Variants in MATN2 observed in about 807,000 individuals in gnomAD.
The protein encoded by MATN2 is matrilin-2.
In MATN2, 69 loss-of-function variants were observed where a neutral mutation model predicts 103.2. That is an observed-to-expected ratio of 0.67 (90% CI 0.55 to 0.82). MATN2 has a LOEUF of 0.82. Among genes scored for constraint, MATN2 ranks in the 40% least tolerant of loss-of-function variants. MATN2 has a pLI of 0.00. For missense variants in MATN2, 1,023 were observed against 1,211.5 expected, an observed-to-expected ratio of 0.84 and a Z score of 2.31; for synonymous variants, 429 against 450.2, an observed-to-expected ratio of 0.95 and a Z score of 0.60.
At chr8:97,979,086 A>C in intron 6 of MATN2, 78 bp downstream of exon 6, 3 of 1,459,756 alleles carry the variant, frequency 2.1e-6, no homozygotes, top group Middle Eastern at 1.8e-4. Context: ...GAACTCTCTC[A>C]AGTATAGATT....
intron 1 of MATN2, among the ~76,000 whole-genome samples, chr8:97,869,839 A>T (rs1817833787): frequency 6.6e-6 from 1 of 152,166 alleles, no homozygotes; most frequent in African/African-American, 2.4e-5. Context: ...AAACCCCAGA[A>T]CAATTTGGAG....
intron 7 of MATN2, among the ~76,000 whole-genome samples, chr8:97,997,570 C>T (rs1218717735): frequency 6.6e-6 from 1 of 152,196 alleles, no homozygotes; most frequent in Non-Finnish European, 1.5e-5. Flanking sequence ...TCTGACCTCA[C>T]AGAGCTTTAG....
At chr8:97,871,546 CT>C in intron 1 of MATN2, among the ~76,000 whole-genome samples, 1 of 152,350 alleles carries the variant, frequency 6.6e-6, no homozygotes, top group South Asian at 2.1e-4. Flanking sequence ...GATTCCCCGT[CT>C]TCTAGGGAAG....
intron 10 of MATN2, 32 bp from the exon 11 acceptor site, chr8:98,016,508 T>G: frequency 6.3e-7 from 1 of 1,585,136 alleles, no homozygotes; most frequent in African/African-American, 1.3e-5. Context: ...CATTTTCTTC[T>G]TCTGTTTCTC....
intron 2 of MATN2, among the ~76,000 whole-genome samples, chr8:97,896,993 G>A: frequency 6.6e-6 from 1 of 152,054 alleles, no homozygotes; most frequent in East Asian, 1.9e-4. Flanking sequence ...GCTGGGCAGT[G>A]GGATCAGGCA....
At chr8:97,888,328 A>G (rs1818516065) in intron 2 of MATN2, 86 bp downstream of exon 2, 1 of 1,352,494 alleles carries the variant, frequency 7.4e-7, no homozygotes, top group Non-Finnish European at 9.5e-7. Context: ...ACTGTTTGAG[A>G]AGCTTTCCTT....
chr8:97,978,756 G>A, intron 5 of MATN2, 130 bp from the exon 6 acceptor site: 1 of 901,154 alleles, frequency 1.1e-6, no homozygotes, highest in Non-Finnish European at 1.7e-6. Flanking sequence ...GTTCATAACT[G>A]TTTATCCTAC....
chr8:97,917,898 A>C (rs969025728), intron 2 of MATN2, among the ~76,000 whole-genome samples: 2 of 152,134 alleles, frequency 1.3e-5, no homozygotes, highest in African/African-American at 4.8e-5. Flanking sequence ...CAGCCTGGGC[A>C]ACATGGCGAA....
chr8:97,958,713 A>C (rs552523384), intron 4 of MATN2, among the ~76,000 whole-genome samples: 3 of 152,272 alleles, frequency 2.0e-5, no homozygotes, highest in African/African-American at 7.2e-5. Flanking sequence ...CCCAGGCCTG[A>C]GAGGATCTGT....
chr8:97,876,238 G>A (rs1249884582), intron 1 of MATN2, among the ~76,000 whole-genome samples: 2 of 144,634 alleles, frequency 1.4e-5, no homozygotes, highest in African/African-American at 5.2e-5. Context: ...CACCCAGGCT[G>A]GAGTGCAATG....
chr8:97,878,396 T>TGGGGC (rs1818148442), intron 1 of MATN2, among the ~76,000 whole-genome samples: 1 of 151,660 alleles, frequency 6.6e-6, no homozygotes, highest in African/African-American at 2.4e-5. Flanking sequence ...ACCCCATCTC[T>TGGGGC]ACAAAAAATA....
chr8:97,984,817 A>C (rs1372699394), intron 6 of MATN2, among the ~76,000 whole-genome samples: 2 of 151,982 alleles, frequency 1.3e-5, no homozygotes, highest in Non-Finnish European at 2.9e-5. Flanking sequence ...CCAAAAAGAA[A>C]CCCCACCAAT....
At position 98,021,343 on chromosome 8, in the gene MATN2, T is replaced by G; in HGVS notation, c.1942+16T>G. The G allele has an allele frequency of 3.1e-6, 5 of 1,608,614 alleles. No individual in the cohort carries two copies. In the African/African-American group the frequency reaches 6.7e-5, roughly 21 times the overall value. ...CGGTGCAAGAGTAAGTGATCTGAAC[T>G]TGGCTCTCTGCTTTAATTTTGTTTT... On this transcript the variant is annotated intron_variant, in intron 13 of 18. Transcript: ENST00000254898.
chr8:98,035,792 T>A lies in MATN2; in HGVS notation c.*80T>A, dbSNP rs1327631298. On this transcript the variant is annotated 3_prime_UTR_variant, in exon 19 of 19. Transcript: ENST00000254898. ...CAGTGCAGAGCCCCAAAGCTCAGGCTATTGTTAAATCAATAATGTTGTGAA... is the reference window on the plus strand; with the variant it reads ...CAGTGCAGAGCCCCAAAGCTCAGGCAATTGTTAAATCAATAATGTTGTGAA... 6.1e-6 allele frequency: 5 copies of A among 818,958 alleles called. No homozygotes were observed. In the Admixed American group the frequency reaches 1.4e-4, roughly 23 times the overall value. The allele number at this position is 818,958 out of a possible 1,614,324, so 50.7% of individuals were successfully genotyped here.
chr8:97,997,136 A>G (rs1354583807), intron 7 of MATN2, among the ~76,000 whole-genome samples: 2 of 152,238 alleles, frequency 1.3e-5, no homozygotes, highest in Non-Finnish European at 2.9e-5. Context: ...CTGCCCAGGT[A>G]GAGCCCTAGG....
rs113752790 is a variant in MATN2, at chr8:98,024,026, A to G, written c.1942+2699A>G. 4.4e-3 allele frequency among the ~76,000 whole-genome samples: 662 copies of G among 152,174 alleles called. 2 individuals are homozygous for G. Among genetic ancestry groups the G allele is most frequent in the African/African-American group, 0.014 (576 of 41,506 alleles). The stretch of plus-strand genomic sequence containing the variant: ...GGACACAGGGAGGGGAACAACACAC[A>G]CCGGGGCCTGTTGGGGGTAGTCGGG... On this transcript the variant is annotated intron_variant, in intron 13 of 18. Coordinates refer to ENST00000254898, the MANE Select transcript of MATN2 (RefSeq NM_002380.5).
In MATN2 at chr8:97,931,734, G is replaced by T. The variant is rs564355415; in HGVS notation, c.712+212G>T. Among the ~76,000 whole-genome samples the T allele has an allele frequency of 6.6e-6, 1 of 152,298 alleles. No homozygotes were observed. Among genetic ancestry groups the T allele is most frequent in the South Asian group, 2.1e-4 (1 of 4,822 alleles). On this transcript the variant is annotated intron_variant, in intron 3 of 18. Coordinates refer to ENST00000254898, the MANE Select transcript of MATN2 (RefSeq NM_002380.5). This position sits in a 1 kb window ranked among gnomAD's most constrained non-coding sequence, Gnocchi z 4.1. ...ATTTATCTTTTAGAGACAGGGTCATGCTCTGTCACCCAGGCTGTAGTGCAG... is the reference window on the plus strand; with the variant it reads ...ATTTATCTTTTAGAGACAGGGTCATTCTCTGTCACCCAGGCTGTAGTGCAG...
chr8:97,930,984 G>A lies in MATN2; in HGVS notation c.174G>A (p.Leu58=). Residue 58 remains leucine (L), a synonymous_variant, in exon 3 of 19, where the codon CTG becomes CTA. Coordinates refer to ENST00000254898, the MANE Select transcript of MATN2 (RefSeq NM_002380.5). The part of the protein sequence containing the change: ...ESSCENKRAD[L]VFIIDSSRSV... Reference sequence around the variant, plus strand: ...CCTGTGAGAACAAGCGGGCAGACCTGGTTTTCATCATTGACAGCTCTCGCA... The same window carrying A: ...CCTGTGAGAACAAGCGGGCAGACCTAGTTTTCATCATTGACAGCTCTCGCA... 1 of 1,612,830 alleles carries A rather than the reference G, an allele frequency of 6.2e-7. No individual in the cohort carries two copies. The highest frequency in any genetic ancestry group is 1.3e-5 in the African/African-American group (1 of 75,004).
chr8:98,030,365 C>T (rs1813969293), intron 14 of MATN2, 97 bp from the exon 15 acceptor site: 1 of 900,220 alleles, frequency 1.1e-6, no homozygotes, highest in Non-Finnish European at 1.7e-6. Flanking sequence ...AATCATACCA[C>T]TTAACATCTA....
Sources: gnomAD v4.1 joint callset for allele counts (sites outside exome capture counted in the v4.1 genomes callset) on GRCh38, gnomAD v4.1.1 for gene constraint, Gnocchi (gnomAD v3.1) non-coding constraint, MANE v1.5 for transcripts, NCBI Gene and HGNC (gene_info 2026-07-23, HGNC 2026-07-21) for gene names.